DNM3: variants seen among roughly 807,000 people sequenced by gnomAD.
The protein encoded by DNM3 is dynamin-3.
Under a neutral mutation model 101.6 loss-of-function variants are expected in DNM3, and 47 were observed. That is an observed-to-expected ratio of 0.46 (90% CI 0.37 to 0.59). The LOEUF (loss-of-function observed/expected upper bound fraction) is 0.59. Among genes scored for constraint, DNM3 ranks in the 20% least tolerant of loss-of-function variants. The probability of loss-of-function intolerance (pLI) is 0.00; values close to 1 mark genes in which losing one functional copy is unlikely to be tolerated. For missense variants in DNM3, 849 were observed against 1,085.7 expected (o/e 0.78, Z 3.06); for synonymous variants, 385 against 387.9 (o/e 0.99, Z 0.09).
At chr1:172,097,882 C>T (rs2054352331) in intron 13 of DNM3, among the ~76,000 whole-genome samples, 1 of 152,070 alleles carries the variant, frequency 6.6e-6, no homozygotes, top group Non-Finnish European at 1.5e-5. Flanking sequence ...TTCTGTGATG[C>T]CCCCTGAGCC....
intron 1 of DNM3, among the ~76,000 whole-genome samples, chr1:171,855,418 G>C (rs1034808854): frequency 2.6e-5 from 4 of 152,132 alleles, no homozygotes; most frequent in African/African-American, 7.2e-5. Flanking sequence ...TGGATTGAAT[G>C]GTACTTCTGC....
At chr1:172,153,229 A>C (rs1459844496) in intron 14 of DNM3, among the ~76,000 whole-genome samples, 1 of 152,160 alleles carries the variant, frequency 6.6e-6, no homozygotes, top group East Asian at 1.9e-4. Flanking sequence ...GATGATATGG[A>C]TAAAATAAAT....
intron 14 of DNM3, among the ~76,000 whole-genome samples, chr1:172,228,884 A>G (rs763872819): frequency 3.3e-5 from 5 of 152,246 alleles, no homozygotes; most frequent in Non-Finnish European, 5.9e-5. Context: ...AGTTGAGTCT[A>G]AAGTGTGAAA....
chr1:172,043,141 G>C (rs1175766322), intron 8 of DNM3, among the ~76,000 whole-genome samples: 1 of 152,160 alleles, frequency 6.6e-6, no homozygotes, highest in Non-Finnish European at 1.5e-5. Flanking sequence ...AGAAAGGATA[G>C]AGAGATGGGT....
Position 172,048,750 on chromosome 1 carries a change from A to G in DNM3, c.1335A>G (p.Lys445=). The change falls in exon 10 of 21, where the codon AAA becomes AAG. Residue 445 remains lysine (K), a splice_region_variant and synonymous_variant. Transcript: ENST00000627582. The part of the protein sequence containing the change: ...LINTVKKCTK[K]LANFPRLCEE... ...ACACTGTGAAGAAGTGTACCAAAAA[A>G]GTAAGTTCGAATTATTTAACTTTCC... 2 of 1,611,090 alleles carry G rather than the reference A, an allele frequency of 1.2e-6. No individual in the cohort carries two copies. Among genetic ancestry groups the G allele is most frequent in the Non-Finnish European group, 1.7e-6 (2 of 1,178,716 alleles).
chr1:171,866,073 G>A (rs568193101), intron 1 of DNM3, among the ~76,000 whole-genome samples: 1 of 151,990 alleles, frequency 6.6e-6, no homozygotes, highest in Non-Finnish European at 1.5e-5. Context: ...TAGTGCCTTT[G>A]TTCTCGTTGG....
chr1:172,024,639 A>G (rs2048069594), intron 4 of DNM3, among the ~76,000 whole-genome samples: 1 of 152,236 alleles, frequency 6.6e-6, no homozygotes, highest in South Asian at 2.1e-4. Context: ...CAGTGGGTGC[A>G]GCCCATGGAG....
intron 15 of DNM3, among the ~76,000 whole-genome samples, chr1:172,301,100 A>C (rs2148847040): frequency 6.6e-6 from 1 of 152,342 alleles, no homozygotes; most frequent in South Asian, 2.1e-4. Context: ...ACAACTTGGG[A>C]GAGAATAAGG....
intron 14 of DNM3, among the ~76,000 whole-genome samples, chr1:172,191,990 T>C (rs2059743529): frequency 6.6e-6 from 1 of 152,166 alleles, no homozygotes; most frequent in African/African-American, 2.4e-5. Context: ...CCTTATTTCT[T>C]TCTCCTGCCT....
At chr1:171,969,703 GC>G (rs1322852461) in intron 2 of DNM3, among the ~76,000 whole-genome samples, 1 of 152,106 alleles carries the variant, frequency 6.6e-6, no homozygotes, top group Non-Finnish European at 1.5e-5. Flanking sequence ...GCAAGTGAAG[GC>G]CAGAGAGAGA....
At chr1:172,414,878 G>A (rs2071374438), downstream of DNM3, among the ~76,000 whole-genome samples, 3 of 146,922 alleles carry the variant, frequency 2.0e-5, no homozygotes, top group Admixed American at 2.1e-4. Context: ...AGACCGGATT[G>A]GCAACACAGC....
At chr1:172,085,769 C>G (rs1379417784) in intron 12 of DNM3, among the ~76,000 whole-genome samples, 2 of 152,132 alleles carry the variant, frequency 1.3e-5, no homozygotes, top group Non-Finnish European at 2.9e-5. Context: ...GCATTTCAAC[C>G]TTGCCACTAA....
chr1:172,128,629 T>A (rs567651776), intron 13 of DNM3, among the ~76,000 whole-genome samples: 1 of 152,212 alleles, frequency 6.6e-6, no homozygotes, highest in African/African-American at 2.4e-5. Flanking sequence ...TTTACATTAT[T>A]TTTTGTATTA....
chr1:172,303,898 AC>A (rs2064613089), intron 15 of DNM3, among the ~76,000 whole-genome samples: 1 of 152,172 alleles, frequency 6.6e-6, no homozygotes, highest in African/African-American at 2.4e-5. Context: ...TTGGAAAGGA[AC>A]AACTGGTACC....
At chr1:172,227,651 T>C (rs747546344) in intron 14 of DNM3, among the ~76,000 whole-genome samples, 11 of 152,154 alleles carry the variant, frequency 7.2e-5, no homozygotes, top group African/African-American at 4.8e-5. Flanking sequence ...TATCTCATTG[T>C]GGTTTTAATT....
intron 13 of DNM3, among the ~76,000 whole-genome samples, chr1:172,099,292 A>G (rs1348423608): frequency 1.3e-5 from 2 of 152,196 alleles, no homozygotes; most frequent in African/African-American, 2.4e-5. Context: ...GGTCATCAAC[A>G]TGCAGGGAGA....
chr1:172,025,836 A>G (rs2048168805), intron 4 of DNM3, among the ~76,000 whole-genome samples: 1 of 152,222 alleles, frequency 6.6e-6, no homozygotes, highest in South Asian at 2.1e-4. Flanking sequence ...AGATAAATCT[A>G]TGAAGATGAG....
At chr1:172,247,683 A>G (rs997793860) in intron 14 of DNM3, among the ~76,000 whole-genome samples, 1 of 150,258 alleles carries the variant, frequency 6.7e-6, no homozygotes, top group East Asian at 1.9e-4. Flanking sequence ...TTATTTATTT[A>G]TTTATTTATT....
chr1:172,129,598 T>C (rs1418709660), intron 13 of DNM3, among the ~76,000 whole-genome samples: 2 of 152,076 alleles, frequency 1.3e-5, no homozygotes, highest in Admixed American at 6.6e-5. Flanking sequence ...CTTACATGGA[T>C]GGCAGCAGAC....
Sources: allele counts gnomAD v4.1 joint callset (sites outside exome capture counted in the v4.1 genomes callset), GRCh38; gene constraint gnomAD v4.1.1; transcripts MANE v1.5; gene names NCBI Gene and HGNC (gene_info 2026-07-23, HGNC 2026-07-21).